RSRC1: variants seen among roughly 807,000 people sequenced by gnomAD.
RSRC1 encodes arginine and serine rich coiled-coil 1.
A neutral mutation model predicts 49.1 loss-of-function variants in RSRC1; 39 were observed. The observed-to-expected ratio is 0.79, with a 90% CI of 0.61 to 1.04. RSRC1 has a LOEUF of 1.04. Among genes scored for constraint, RSRC1 ranks in the 50% least tolerant of loss-of-function variants. The pLI, the probability that RSRC1 is intolerant of heterozygous loss-of-function variation, is 0.00. For synonymous variants in RSRC1, 143 were observed against 130.8 expected, an observed-to-expected ratio of 1.09 and a Z score of -0.63; for missense variants, 388 against 402.4, an observed-to-expected ratio of 0.96 and a Z score of 0.31.
intron 5 of RSRC1, among the ~76,000 whole-genome samples, chr3:158,327,669 G>C (rs1234465763): frequency 6.6e-6 from 1 of 151,862 alleles, no homozygotes; most frequent in African/African-American, 2.4e-5. Context: ...GTCAATTTTG[G>C]AATAGGTGTG....
intron 3 of RSRC1, among the ~76,000 whole-genome samples, chr3:158,164,767 A>G (rs576418444): frequency 9.2e-5 from 14 of 152,298 alleles, no homozygotes; most frequent in Non-Finnish European, 1.9e-4. Context: ...TTTTAATAGC[A>G]TATTTTATCT....
In RSRC1 at chr3:158,148,836, T is replaced by G. The variant is rs868316509; in HGVS notation, c.320+24845T>G. 1.4e-3 allele frequency among the ~76,000 whole-genome samples: 205 copies of G among 151,548 alleles called. 3 individuals carry two copies. Among genetic ancestry groups the G allele is most frequent in the African/African-American group, 4.8e-3 (199 of 41,304 alleles). ...TTCACTCTTATTGCCCAGGCTAGAG[T>G]GCAATGGCGCGATCTCGGCTCACTG... is the stretch of plus-strand genomic sequence containing the variant. On this transcript the variant is annotated intron_variant, in intron 3 of 9. Coordinates refer to ENST00000611884, the MANE Select transcript of RSRC1 (RefSeq NM_001271838.2).
chr3:158,224,190 C>T (rs140846936), intron 4 of RSRC1, among the ~76,000 whole-genome samples: 3 of 151,874 alleles, frequency 2.0e-5, no homozygotes, highest in Admixed American at 6.6e-5. Context: ...GGATTTAAAT[C>T]TCAGGTTTCT....
intron 2 of RSRC1, among the ~76,000 whole-genome samples, chr3:158,123,661 C>G (rs1378841654): frequency 6.6e-6 from 1 of 152,136 alleles, no homozygotes; most frequent in Non-Finnish European, 1.5e-5. Context: ...CCCTTAATAC[C>G]TTAATTAGTA....
rs78615197 is a variant in RSRC1 at position 158,476,745 on chromosome 3, C to A, written c.652+15742C>A. Among the ~76,000 whole-genome samples the A allele has an allele frequency of 7.4e-3, 1,128 of 152,230 alleles. 62 individuals carry two copies. Among genetic ancestry groups the A allele is most frequent in the Admixed American group, 0.065 (999 of 15,258 alleles). On this transcript the variant is annotated intron_variant, in intron 7 of 9. Transcript: ENST00000611884. ...TGCTAACCCAGCATTTGTTCTCCAG[C>A]CCCTGGATAAAAGAACTAATTTCAA...
intron 7 of RSRC1, among the ~76,000 whole-genome samples, chr3:158,490,301 G>T (rs1739025747): frequency 6.6e-6 from 1 of 152,158 alleles, no homozygotes; most frequent in Non-Finnish European, 1.5e-5. Flanking sequence ...AGCCAGGATG[G>T]TCTCAATCTC....
intron 3 of RSRC1, among the ~76,000 whole-genome samples, chr3:158,168,551 A>G (rs1718672849): frequency 6.6e-6 from 1 of 152,132 alleles, no homozygotes. Context: ...CTTTTTATTT[A>G]TAGATTTTTT....
At chr3:158,216,841 T>C (rs1232566574) in intron 4 of RSRC1, among the ~76,000 whole-genome samples, 2 of 151,830 alleles carry the variant, frequency 1.3e-5, no homozygotes, top group South Asian at 4.1e-4. Flanking sequence ...ACTAAGTAAA[T>C]TAAAACCTGT....
chr3:158,163,054 A>G (rs1370261252), intron 3 of RSRC1, among the ~76,000 whole-genome samples: 4 of 152,100 alleles, frequency 2.6e-5, no homozygotes, highest in Non-Finnish European at 2.9e-5. Flanking sequence ...CCTAGGCTGG[A>G]GTACAGTGGC....
chr3:158,511,331 T>A (rs1433054087), intron 7 of RSRC1, among the ~76,000 whole-genome samples: 1 of 151,996 alleles, frequency 6.6e-6, no homozygotes, highest in African/African-American at 2.4e-5. Context: ...TGTCCATGTG[T>A]TCTCATTGTT....
chr3:158,297,382 TA>T (rs1727290826), intron 4 of RSRC1, among the ~76,000 whole-genome samples: 1 of 152,038 alleles, frequency 6.6e-6, no homozygotes, highest in African/African-American at 2.4e-5. Flanking sequence ...GCAGGAAATT[TA>T]ATACTTAAAA....
chr3:158,443,622 A>G (rs1027921682), intron 6 of RSRC1, among the ~76,000 whole-genome samples: 1 of 152,164 alleles, frequency 6.6e-6, no homozygotes, highest in Non-Finnish European at 1.5e-5. Flanking sequence ...CCTATCAGCA[A>G]TAAGGATGTT....
chr3:158,501,437 T>C (rs1365240352), intron 7 of RSRC1, among the ~76,000 whole-genome samples: 1 of 152,222 alleles, frequency 6.6e-6, no homozygotes, highest in Non-Finnish European at 1.5e-5. Flanking sequence ...TGATGACCTG[T>C]CTAATGCTGT....
chr3:158,427,470 T>G (rs1271612849), intron 6 of RSRC1, among the ~76,000 whole-genome samples: 2 of 151,754 alleles, frequency 1.3e-5, no homozygotes, highest in Non-Finnish European at 2.9e-5. Flanking sequence ...CTAAAGTTTA[T>G]GTAGAAGGAT....
chr3:158,249,738 T>C (rs920087819), intron 4 of RSRC1, among the ~76,000 whole-genome samples: 2 of 152,268 alleles, frequency 1.3e-5, no homozygotes, highest in East Asian at 1.9e-4. Flanking sequence ...ACATGAGATA[T>C]TTTGATATAG....
At chr3:158,499,770 C>G (rs1055881114) in intron 7 of RSRC1, among the ~76,000 whole-genome samples, 2 of 152,044 alleles carry the variant, frequency 1.3e-5, no homozygotes, top group South Asian at 4.1e-4. Context: ...TCTGGAGGAG[C>G]CTTTAGGGTT....
intron 7 of RSRC1, among the ~76,000 whole-genome samples, chr3:158,491,219 A>G (rs1739070973): frequency 6.6e-6 from 1 of 152,244 alleles, no homozygotes; most frequent in Non-Finnish European, 1.5e-5. Context: ...AAATAAAATC[A>G]TAATTAAAGC....
In RSRC1 at chr3:158,544,381, T is replaced by C; in HGVS notation, c.*106T>C. On this transcript the variant is annotated 3_prime_UTR_variant, in exon 10 of 10. Coordinates refer to ENST00000611884, the MANE Select transcript of RSRC1 (RefSeq NM_001271838.2). The stretch of plus-strand genomic sequence containing the variant: ...CTCTTAAAAAGAATTTTGCTGATTA[T>C]ATATAAAGGTAGTCTCATTTCATTT... 1 of 606,502 alleles carries C rather than the reference T, an allele frequency of 1.6e-6. No individual in the cohort carries two copies. The highest frequency in any genetic ancestry group is 2.8e-6 in the Non-Finnish European group (1 of 350,974). 37.6% of individuals were successfully genotyped at this position (606,502 alleles called of 1,614,324 possible).
intron 3 of RSRC1, among the ~76,000 whole-genome samples, chr3:158,135,232 A>G (rs1406090860): frequency 1.3e-5 from 2 of 151,614 alleles, no homozygotes; most frequent in Non-Finnish European, 2.9e-5. Flanking sequence ...TGTTTTGGAT[A>G]TTAGCAGAAG....
Sources: allele counts gnomAD v4.1 joint callset (sites outside exome capture counted in the v4.1 genomes callset), GRCh38; gene constraint gnomAD v4.1.1; transcripts MANE v1.5; gene names NCBI Gene and HGNC (gene_info 2026-07-23, HGNC 2026-07-21).